TAX1BP1: variants seen among roughly 807,000 people sequenced by gnomAD.
TAX1BP1 encodes Tax1 binding protein 1.
Under a neutral mutation model 97.7 loss-of-function variants are expected in TAX1BP1, and 62 were observed. That is an observed-to-expected ratio of 0.63 (90% confidence interval 0.52 to 0.78). TAX1BP1 has a LOEUF of 0.78. TAX1BP1 is among the 30% of genes least tolerant of loss of function. The pLI, the probability that TAX1BP1 is intolerant of heterozygous loss-of-function variation, is 0.00. For missense variants in TAX1BP1, 867 were observed against 916.1 expected, an observed-to-expected ratio of 0.95 and a Z score of 0.69; for synonymous variants, 340 against 304.2, an observed-to-expected ratio of 1.12 and a Z score of -1.23.
intron 5 of TAX1BP1, among the ~76,000 whole-genome samples, chr7:27,770,546 A>G (rs1374227587): frequency 6.6e-6 from 1 of 152,096 alleles, no homozygotes; most frequent in Non-Finnish European, 1.5e-5. Flanking sequence ...GGGCATATTT[A>G]TGCCCATTTA....
Position 27,765,867 on chromosome 7 carries a change from A to T in TAX1BP1, c.299A>T (p.Tyr100Phe), listed in dbSNP as rs1562707148. Residue 100 changes from tyrosine to phenylalanine, a missense_variant, in exon 4 of 17, where the codon TAT becomes TTT. Physicochemically the swap from Tyr to Phe is conservative, Grantham distance 22. This residue lies in a region of TAX1BP1 where 822 missense variants were observed against 851.4 expected (regional missense o/e 0.97). Transcript: ENST00000396319. ...YYLPNDDGEF[Y>F]QFCYVTHKGE... is the part of the protein sequence containing the mutation. ...CTTCCAAATGATGATGGAGAATTTT[A>T]TCAGTTCTGTTACGTTACCCATAAG... 1 of 1,614,084 alleles carries T rather than the reference A, an allele frequency of 6.2e-7. No homozygotes were observed. The highest frequency in any genetic ancestry group is 8.5e-7 in the Non-Finnish European group (1 of 1,179,974).
At chr7:27,825,536 G>A (rs1473329783) in intron 15 of TAX1BP1, among the ~76,000 whole-genome samples, 2 of 152,116 alleles carry the variant, frequency 1.3e-5, no homozygotes, top group Non-Finnish European at 2.9e-5. Flanking sequence ...ATAACATGTA[G>A]AATTATACTC....
upstream of TAX1BP1, chr7:27,739,602 A>G (rs1371736171): frequency 6.6e-6 from 1 of 152,202 alleles, no homozygotes; most frequent in Non-Finnish European, 1.5e-5. Flanking sequence ...AGCGAGAGCA[A>G]ATAGAATCAG....
chr7:27,791,287 A>T (rs1649011794), intron 8 of TAX1BP1, among the ~76,000 whole-genome samples: 1 of 152,130 alleles, frequency 6.6e-6, no homozygotes, highest in South Asian at 2.1e-4. Flanking sequence ...TTTAGTACAG[A>T]GATTAAAAAC....
At chr7:27,809,101 TAAATA>T (rs1790452657) in intron 13 of TAX1BP1, among the ~76,000 whole-genome samples, 1 of 152,364 alleles carries the variant, frequency 6.6e-6, no homozygotes, top group East Asian at 1.9e-4. Context: ...TTTTAAATGT[TAAATA>T]AGATTTAATA....
intron 1 of TAX1BP1, among the ~76,000 whole-genome samples, chr7:27,748,296 A>G (rs1161569088): frequency 5.9e-5 from 9 of 152,200 alleles, no homozygotes; most frequent in Non-Finnish European, 4.4e-5. Context: ...TTAAATGCCC[A>G]TATAACTTTC....
chr7:27,753,197 G>T (rs1701798905), intron 2 of TAX1BP1, among the ~76,000 whole-genome samples: 1 of 152,202 alleles, frequency 6.6e-6, no homozygotes, highest in Admixed American at 6.5e-5. Flanking sequence ...CTACTCAGGA[G>T]GCTGAGACAT....
chr7:27,785,375 G>A lies in TAX1BP1; in HGVS notation c.762-24G>A, dbSNP rs765758683. On this transcript the variant is annotated intron_variant, in intron 6 of 16. Coordinates refer to ENST00000396319, the MANE Select transcript of TAX1BP1 (RefSeq NM_006024.7). ...TTTTAAAACTTTAAAACATTATAAT[G>A]TTACTTTATCATACCTATCTTAGTT... 5.0e-6 allele frequency: 8 copies of A among 1,599,720 alleles called. No homozygotes were observed. In the South Asian group the frequency reaches 7.9e-5, roughly 16 times the overall value.
chr7:27,756,453 C>G (rs1788219242), intron 2 of TAX1BP1, among the ~76,000 whole-genome samples: 1 of 152,096 alleles, frequency 6.6e-6, no homozygotes, highest in Non-Finnish European at 1.5e-5. Context: ...AGGCTCAGTT[C>G]TCAGGCTGCT....
At chr7:27,741,645 C>T (rs984865128) in intron 1 of TAX1BP1, among the ~76,000 whole-genome samples, 28 of 151,990 alleles carry the variant, frequency 1.8e-4, no homozygotes, top group Non-Finnish European at 7.4e-5. Context: ...GGATTACAGG[C>T]GCGCACCACC....
At chr7:27,771,232 T>G (rs995870072) in intron 5 of TAX1BP1, among the ~76,000 whole-genome samples, 2 of 150,410 alleles carry the variant, frequency 1.3e-5, no homozygotes, top group East Asian at 1.9e-4. Flanking sequence ...ATTTGGTAGT[T>G]TTCCAAAGTT....
Position 27,828,890 on chromosome 7 carries a change from A to G in TAX1BP1, c.*61A>G. On this transcript the variant is annotated 3_prime_UTR_variant, in exon 17 of 17. Transcript: ENST00000396319. ...AAAAAAAAAAAAAAAAACCACACCT[A>G]AAATAGACCACTGAGGAGACCATAG... 2 of 1,317,912 alleles carry G rather than the reference A, an allele frequency of 1.5e-6. No individual in the cohort carries two copies. Among genetic ancestry groups the G allele is most frequent in the Non-Finnish European group, 1.0e-6 (1 of 953,846 alleles). The allele number at this position is 1,317,912 out of a possible 1,614,324, so 81.6% of individuals were successfully genotyped here. A position where few individuals can be genotyped will look rare whatever the true frequency, so the allele number is the denominator to read the frequency against.
chr7:27,747,901 G>A (rs951816292), intron 1 of TAX1BP1, among the ~76,000 whole-genome samples: 2 of 151,732 alleles, frequency 1.3e-5, no homozygotes, highest in African/African-American at 2.4e-5. Context: ...TGATTCTAAT[G>A]TGTAACCAGG....
At chr7:27,741,863 A>G (rs991303698) in intron 1 of TAX1BP1, among the ~76,000 whole-genome samples, 2 of 152,232 alleles carry the variant, frequency 1.3e-5, no homozygotes, top group Admixed American at 6.5e-5. Context: ...AGAGGGGGCT[A>G]TGTCAGGGTC....
intron 16 of TAX1BP1, among the ~76,000 whole-genome samples, chr7:27,828,047 C>G (rs1583415856): frequency 6.6e-6 from 1 of 152,260 alleles, no homozygotes; most frequent in Middle Eastern, 3.4e-3. Context: ...TTTACTGTTC[C>G]TAAAATGTCA....
chr7:27,799,125 T>C (rs545662532), intron 12 of TAX1BP1, among the ~76,000 whole-genome samples: 184 of 152,292 alleles, frequency 1.2e-3, no homozygotes, highest in African/African-American at 4.2e-3. Flanking sequence ...CTTCTAGAAG[T>C]TTTATAATCA....
intron 13 of TAX1BP1, among the ~76,000 whole-genome samples, chr7:27,806,933 A>G (rs1790362455): frequency 6.6e-6 from 1 of 152,158 alleles, no homozygotes; most frequent in Admixed American, 6.5e-5. Flanking sequence ...TCTTTCAGGA[A>G]TTTTAAATAA....
At chr7:27,780,456 G>T (rs904676619) in intron 5 of TAX1BP1, among the ~76,000 whole-genome samples, 1 of 152,084 alleles carries the variant, frequency 6.6e-6, no homozygotes, top group African/African-American at 2.4e-5. Flanking sequence ...CTTAGGCCAT[G>T]TGCTCATCAA....
intron 13 of TAX1BP1, among the ~76,000 whole-genome samples, chr7:27,807,449 C>G (rs983354410): frequency 6.6e-6 from 1 of 152,012 alleles, no homozygotes; most frequent in East Asian, 1.9e-4. Flanking sequence ...TATAGCCTTT[C>G]TTAACCTTGA....
Sources: gnomAD v4.1 joint callset for allele counts (sites outside exome capture counted in the v4.1 genomes callset) on GRCh38, gnomAD v4.1.1 for gene constraint, gnomAD v4.1.1 regional missense constraint, MANE v1.5 for transcripts, NCBI Gene and HGNC (gene_info 2026-07-23, HGNC 2026-07-21) for gene names.